Variants in FAM13B observed in about 807,000 individuals in gnomAD.
FAM13B encodes the protein protein FAM13B.
A neutral mutation model predicts 117.3 loss-of-function variants in FAM13B; 60 were observed. That is an observed-to-expected ratio of 0.51 (90% CI 0.42 to 0.63). The LOEUF is 0.63. FAM13B is among the 30% of genes least tolerant of loss of function. The pLI, the probability that FAM13B is intolerant of heterozygous loss-of-function variation, is 0.00. For synonymous variants in FAM13B, 332 were observed against 356.1 expected, an observed-to-expected ratio of 0.93 and a Z score of 0.76; for missense variants, 972 against 1,091.9, an observed-to-expected ratio of 0.89 and a Z score of 1.55.
At chr5:137,948,647 G>C (rs745787311) in intron 18 of FAM13B, among the ~76,000 whole-genome samples, 1 of 151,974 alleles carries the variant, frequency 6.6e-6, no homozygotes, top group Non-Finnish European at 1.5e-5. Flanking sequence ...CTCCTGCCTC[G>C]ACCTCTGAAA....
rs531884895 is a variant in FAM13B at position 137,943,219 on chromosome 5, A to G, written c.2341-3T>C. The G allele has an allele frequency of 1.8e-5, 29 of 1,606,288 alleles. No homozygotes were observed. In the Middle Eastern group the frequency reaches 6.9e-4, roughly 38 times the overall value. On this transcript the variant is annotated splice_region_variant and splice_polypyrimidine_tract_variant and intron_variant, in intron 20 of 23. Transcript: ENST00000689681. Reference sequence around the variant, plus strand: ...CTTCGCTTGGTGGATGGAGATCCCTATAACAATCAATAATATAAATAGTTT... The same window carrying G: ...CTTCGCTTGGTGGATGGAGATCCCTGTAACAATCAATAATATAAATAGTTT...
At chr5:137,966,844 A>C (rs1013182958) in intron 10 of FAM13B, among the ~76,000 whole-genome samples, 2 of 152,200 alleles carry the variant, frequency 1.3e-5, no homozygotes, top group Admixed American at 6.5e-5. Flanking sequence ...CCAGGCATTT[A>C]GTTTATAATA....
chr5:137,970,469 A>G (rs1335008200), intron 10 of FAM13B, among the ~76,000 whole-genome samples: 2 of 152,174 alleles, frequency 1.3e-5, no homozygotes, highest in Non-Finnish European at 2.9e-5. Flanking sequence ...AGCGCTAAAC[A>G]TGGAAAGGAA....
At chr5:138,001,112 T>C (rs1781158387) in intron 7 of FAM13B, among the ~76,000 whole-genome samples, 2 of 152,100 alleles carry the variant, frequency 1.3e-5, no homozygotes, top group Admixed American at 1.3e-4. Context: ...GGTACTAATG[T>C]TTGTGACCAA....
intron 23 of FAM13B, 124 bp from the exon 24 acceptor site, chr5:137,940,472 A>C (rs1761347907): frequency 1.7e-6 from 1 of 592,088 alleles, no homozygotes; most frequent in Non-Finnish European, 2.8e-6. Flanking sequence ...GTTCTGTTAA[A>C]AAAAAAAAAA....
At chr5:137,995,099 A>G (rs187582640) in intron 7 of FAM13B, among the ~76,000 whole-genome samples, 50 of 152,336 alleles carry the variant, frequency 3.3e-4, no homozygotes, top group Admixed American at 1.5e-3. Context: ...TTGAAAGCAC[A>G]GTAAAGGAAG....
At chr5:137,943,097 G>A in intron 21 of FAM13B, 36 bp downstream of exon 21, 1 of 1,609,832 alleles carries the variant, frequency 6.2e-7, no homozygotes, top group Non-Finnish European at 8.5e-7. Flanking sequence ...CTTCCCTTAG[G>A]GAAGGGATCA....
chr5:137,959,538 T>C, intron 13 of FAM13B, 78 bp downstream of exon 13: 1 of 1,438,256 alleles, frequency 7.0e-7, no homozygotes, highest in South Asian at 1.2e-5. Context: ...AGAAAAGGGC[T>C]GTAGTCTTAT....
At chr5:137,951,240 A>G (rs1764937071) in intron 17 of FAM13B, among the ~76,000 whole-genome samples, 1 of 148,470 alleles carries the variant, frequency 6.7e-6, no homozygotes, top group Non-Finnish European at 1.5e-5. Flanking sequence ...AAAAGGAGAG[A>G]GAGAGAGGCA....
intron 23 of FAM13B, among the ~76,000 whole-genome samples, chr5:137,940,709 C>T (rs778401263): frequency 3.3e-5 from 5 of 152,122 alleles, no homozygotes; most frequent in Non-Finnish European, 4.4e-5. Flanking sequence ...TAGTTAACTG[C>T]GGCTCCAGTG....
intron 1 of FAM13B, among the ~76,000 whole-genome samples, chr5:138,022,629 G>A (rs1016604280): frequency 3.9e-5 from 6 of 152,092 alleles, no homozygotes; most frequent in South Asian, 2.1e-4. Flanking sequence ...AAACAATTTC[G>A]AAGTTAACTT....
chr5:137,971,180 A>T (rs1215065255), intron 10 of FAM13B, among the ~76,000 whole-genome samples: 1 of 151,394 alleles, frequency 6.6e-6, no homozygotes, highest in Non-Finnish European at 1.5e-5. Context: ...ACCACACCAG[A>T]CCTATTCCAA....
chr5:137,985,503 GTGTACC>G, intron 9 of FAM13B, 114 bp from the exon 10 acceptor site: 1 of 1,049,360 alleles, frequency 9.5e-7, no homozygotes, highest in Non-Finnish European at 1.4e-6. Context: ...TAAAGAAAAT[GTGTACC>G]TTTCACAAAA....
At chr5:137,951,923 G>C (rs762248903) in intron 17 of FAM13B, among the ~76,000 whole-genome samples, 1 of 152,110 alleles carries the variant, frequency 6.6e-6, no homozygotes, top group Non-Finnish European at 1.5e-5. Flanking sequence ...GTTGCAGTGA[G>C]CTGAGATGGC....
At chr5:138,007,480 G>T (rs571304741) in intron 6 of FAM13B, among the ~76,000 whole-genome samples, 1 of 152,096 alleles carries the variant, frequency 6.6e-6, no homozygotes, top group Admixed American at 6.6e-5. Context: ...AACTAGTTTC[G>T]TAAATGTAAC....
Position 137,948,871 on chromosome 5 carries a change from A to T in FAM13B, c.2160+84T>A, listed in dbSNP as rs540711667. ...CAGATTCAGGAAAATCAGACTACCT[A>T]GACATCTCTACCCTGCTATAGTAAT... On this transcript the variant is annotated intron_variant, in intron 18 of 23. Transcript: ENST00000689681. 3.2e-5 allele frequency: 32 copies of T among 1,011,918 alleles called. No homozygotes were observed. In the Middle Eastern group the frequency reaches 1.8e-3, roughly 57 times the overall value. The allele number at this position is 1,011,918 out of a possible 1,614,324, so 62.7% of individuals were successfully genotyped here. A position where few individuals can be genotyped will look rare whatever the true frequency, so the allele number is the denominator to read the frequency against.
intron 1 of FAM13B, among the ~76,000 whole-genome samples, chr5:138,026,587 C>T (rs1413906657): frequency 7.0e-6 from 1 of 142,462 alleles, no homozygotes; most frequent in Non-Finnish European, 1.5e-5. Flanking sequence ...TGTGATCATG[C>T]CACTGAACTC....
chr5:137,940,052 G>A lies in FAM13B; in HGVS notation c.*173C>T, dbSNP rs1445300266. 4 of 1,613,860 alleles carry A rather than the reference G, an allele frequency of 2.5e-6. No homozygotes were observed. The South Asian group carries it at 4.4e-5, about 18-fold the overall frequency. On this transcript the variant is annotated 3_prime_UTR_variant, in exon 24 of 24. Transcript: ENST00000689681. The stretch of plus-strand genomic sequence containing the variant: ...TGGAACATCACTTACGCTCCCTTGA[G>A]AGGGCCTACTTACTCTCCCATCATT...
At chr5:138,006,757 C>G (rs2150840118) in intron 7 of FAM13B, among the ~76,000 whole-genome samples, 1 of 152,210 alleles carries the variant, frequency 6.6e-6, no homozygotes, top group African/African-American at 2.4e-5. Context: ...AATACAAAAC[C>G]AACTTTAACA....
Sources: gnomAD v4.1 joint callset for allele counts (sites outside exome capture counted in the v4.1 genomes callset) on GRCh38, gnomAD v4.1.1 for gene constraint, MANE v1.5 for transcripts, NCBI Gene and HGNC (gene_info 2026-07-23, HGNC 2026-07-21) for gene names.